Variants in ACOT12 observed in about 807,000 individuals in gnomAD.
ACOT12 encodes the protein acyl-CoA thioesterase 12, also known as acetyl-coenzyme A thioesterase.
In ACOT12, 51 loss-of-function variants were observed where a neutral mutation model predicts 67.7. The observed-to-expected ratio is 0.75, with a 90% CI of 0.60 to 0.95. ACOT12 has a LOEUF of 0.95. ACOT12 is among the 40% of genes least tolerant of loss of function. The pLI is 0.00. For synonymous variants in ACOT12, 251 were observed against 244.6 expected, an observed-to-expected ratio of 1.03 and a Z score of -0.24; for missense variants, 734 against 708.1, an observed-to-expected ratio of 1.04 and a Z score of -0.41.
chr5:81,314,399 G>A, the ACOT12 span, among the ~76,000 whole-genome samples: 5 of 152,152 alleles, frequency 3.3e-5, no homozygotes, highest in Admixed American at 6.5e-5. Context: ...CACCATGCCC[G>A]GCCTACTTTG....
chr5:81,324,699 T>C, the ACOT12 span, among the ~76,000 whole-genome samples: 1 of 152,122 alleles, frequency 6.6e-6, no homozygotes, highest in Admixed American at 6.5e-5. Context: ...ATTAGTGATG[T>C]AGGAGGGATT....
At chr5:81,361,475 A>G (rs768066163) in intron 4 of ACOT12, among the ~76,000 whole-genome samples, 1 of 152,088 alleles carries the variant, frequency 6.6e-6, no homozygotes, top group East Asian at 1.9e-4. Flanking sequence ...CACTCAGATT[A>G]TAAGTGTGAG....
At chr5:81,323,206 G>A in the ACOT12 span, among the ~76,000 whole-genome samples, 4 of 151,986 alleles carry the variant, frequency 2.6e-5, no homozygotes, top group Admixed American at 2.6e-4. Flanking sequence ...GTCAGTTTCT[G>A]CTAAGTAACA....
intron 11 of ACOT12, 93 bp downstream of exon 11, chr5:81,342,579 T>C: frequency 7.8e-7 from 1 of 1,280,784 alleles, no homozygotes; most frequent in Non-Finnish European, 1.1e-6. Context: ...TGTTACCTTC[T>C]TAAAAGCCTC....
At chr5:81,344,654 C>G (rs983236818) in intron 8 of ACOT12, among the ~76,000 whole-genome samples, 5 of 152,100 alleles carry the variant, frequency 3.3e-5, no homozygotes, top group African/African-American at 1.2e-4. Context: ...GACATCCTAC[C>G]CACAGCAGTG....
intron 3 of ACOT12, among the ~76,000 whole-genome samples, chr5:81,369,611 G>A (rs1760185826): frequency 6.6e-6 from 1 of 152,178 alleles, no homozygotes. Context: ...GATCAGGCCT[G>A]GAAAGTCAGT....
At chr5:81,329,790 A>T (rs1758757622), downstream of ACOT12, among the ~76,000 whole-genome samples, 1 of 152,100 alleles carries the variant, frequency 6.6e-6, no homozygotes, top group South Asian at 2.1e-4. Flanking sequence ...CTATTAGAGC[A>T]ATAGACACTA....
chr5:81,344,240 C>CAATAA (rs748704170), intron 8 of ACOT12, 25 bp from the exon 9 acceptor site: 14 of 1,601,266 alleles, frequency 8.7e-6, no homozygotes, highest in East Asian at 6.8e-5. Flanking sequence ...AAAGTAAAAT[C>CAATAA]AATAAAATAA....
chr5:81,347,887 G>A lies in ACOT12; in HGVS notation c.540C>T (p.Gly180=), dbSNP rs1380995211. ...DEEEGAVSTR[G]TSVQSIELVL... is the part of the protein sequence containing the mutation. ...CCAGTTCAATGCTCTGAACGGAGGT[G>A]CCCCTTGTGGAAACCGCTCCTTCCT... The change falls in exon 6 of 15, where the codon GGC becomes GGT. Residue 180 remains glycine (G), a synonymous_variant. Transcript: ENST00000307624. The A allele has an allele frequency of 6.2e-7, 1 of 1,613,772 alleles. No homozygotes were observed. The highest frequency in any genetic ancestry group is 1.3e-5 in the African/African-American group (1 of 74,924).
chr5:81,379,618 A>C (rs141812075), intron 2 of ACOT12, among the ~76,000 whole-genome samples: 1 of 152,346 alleles, frequency 6.6e-6, no homozygotes, highest in East Asian at 1.9e-4. Flanking sequence ...AGAAGGTGAC[A>C]TAGTGACTGG....
the ACOT12 span, among the ~76,000 whole-genome samples, chr5:81,314,599 A>T: frequency 6.6e-6 from 1 of 152,212 alleles, no homozygotes; most frequent in Admixed American, 6.5e-5. Flanking sequence ...AAAAATGCCT[A>T]AAGAGGAAGG....
intron 5 of ACOT12, among the ~76,000 whole-genome samples, chr5:81,356,616 C>G (rs1173202275): frequency 6.6e-6 from 1 of 152,048 alleles, no homozygotes; most frequent in Non-Finnish European, 1.5e-5. Context: ...CATCTACCTC[C>G]CAAAAATTGC....
At chr5:81,327,019 T>A (rs1758688671), downstream of ACOT12, among the ~76,000 whole-genome samples, 1 of 152,132 alleles carries the variant, frequency 6.6e-6, no homozygotes, top group South Asian at 2.1e-4. Flanking sequence ...TATTTTCTTT[T>A]TTTAACTTAA....
chr5:81,316,388 T>C, the ACOT12 span, among the ~76,000 whole-genome samples: 1 of 152,202 alleles, frequency 6.6e-6, no homozygotes, highest in Non-Finnish European at 1.5e-5. Flanking sequence ...ACACTTTATG[T>C]AAATGGAATC....
At chr5:81,343,686 C>G in intron 10 of ACOT12, 132 bp downstream of exon 10, 1 of 841,352 alleles carries the variant, frequency 1.2e-6, no homozygotes, top group Non-Finnish European at 1.9e-6. Context: ...TTCATCTTGA[C>G]ATGACTGGCT....
chr5:81,393,919 CAG>C, intron 1 of ACOT12, 67 bp downstream of exon 1: 1 of 1,264,144 alleles, frequency 7.9e-7, no homozygotes, highest in Non-Finnish European at 1.0e-6. Context: ...CTACCCCCCC[CAG>C]CCCCCAGCCG....
intron 5 of ACOT12, among the ~76,000 whole-genome samples, chr5:81,348,355 A>G (rs7735423): frequency 0.44 from 66,873 of 151,982 alleles, 16,051 homozygotes; most frequent in African/African-American, 0.61. Flanking sequence ...TTATCAAATT[A>G]TATGCTTTAA....
chr5:81,328,697 A>G (rs539091726), downstream of ACOT12, among the ~76,000 whole-genome samples: 20 of 152,328 alleles, frequency 1.3e-4, no homozygotes, highest in South Asian at 1.7e-3. Context: ...GATGAGTCCT[A>G]TGTTTTTGTT....
In ACOT12 at chr5:81,385,753, T is replaced by G. The variant is rs1256331279; in HGVS notation, c.197+4A>C. On this transcript the variant is annotated splice_donor_region_variant and intron_variant, in intron 2 of 14. Transcript: ENST00000307624. ...GAAAGGAGCCATGGAGCAATGTCAC[T>G]TACCTAGCTGTCTCCTCAAACTGTA... is the stretch of plus-strand genomic sequence containing the variant. 2 of 1,613,868 alleles carry G rather than the reference T, an allele frequency of 1.2e-6. No homozygotes were observed. Among genetic ancestry groups the G allele is most frequent in the Admixed American group, 3.3e-5 (2 of 59,986 alleles).
Sources: allele counts gnomAD v4.1 joint callset (sites outside exome capture counted in the v4.1 genomes callset), GRCh38; gene constraint gnomAD v4.1.1; transcripts MANE v1.5; gene names NCBI Gene and HGNC (gene_info 2026-07-23, HGNC 2026-07-21).